NFKB1: variants seen among roughly 807,000 people sequenced by gnomAD.
The protein encoded by NFKB1 is nuclear factor NF-kappa-B p105 subunit.
Under a neutral mutation model 105.1 loss-of-function variants are expected in NFKB1, and 9 were observed. That is an observed-to-expected ratio of 0.09 (90% CI 0.05 to 0.15). The LOEUF (loss-of-function observed/expected upper bound fraction) is 0.15. NFKB1 is among the 10% of genes least tolerant of loss of function. The probability of loss-of-function intolerance (pLI) is 1.00; values close to 1 mark genes in which losing one functional copy is unlikely to be tolerated. For missense variants in NFKB1, 830 were observed against 1,203.7 expected, an observed-to-expected ratio of 0.69 and a Z score of 4.59; for synonymous variants, 440 against 442.2, an observed-to-expected ratio of 1.00 and a Z score of 0.06.
chr4:102,617,106 A>AAC lies in NFKB1; in HGVS notation c.*513_*514insCA, dbSNP rs1408285484. The AAC allele has an allele frequency of 6.6e-6, 1 of 152,276 alleles. No homozygotes were observed. Among genetic ancestry groups the AAC allele is most frequent in the African/African-American group, 2.4e-5 (1 of 41,350 alleles). The allele number at this position is 152,276 out of a possible 1,614,324, so 9.4% of individuals were successfully genotyped here. A position where few individuals can be genotyped will look rare whatever the true frequency, so the allele number is the denominator to read the frequency against. ...GTTATTTCTCTGATTTGCAAAAAAA[A>AAC]AAAAAAAAAAAATACTTGTCAATAT... On this transcript the variant is annotated 3_prime_UTR_variant, in exon 24 of 24. Coordinates refer to ENST00000226574, the MANE Select transcript of NFKB1 (RefSeq NM_003998.4).
At chr4:102,558,747 C>T (rs1723178045) in intron 5 of NFKB1, among the ~76,000 whole-genome samples, 1 of 152,050 alleles carries the variant, frequency 6.6e-6, no homozygotes, top group Non-Finnish European at 1.5e-5. Flanking sequence ...AACTTCTGGG[C>T]TCAAAGGACA....
chr4:102,586,799 C>T (rs1258097378), intron 11 of NFKB1, among the ~76,000 whole-genome samples: 1 of 152,212 alleles, frequency 6.6e-6, no homozygotes, highest in African/African-American at 2.4e-5. Flanking sequence ...CACCCAGATC[C>T]TTGCTGAGGT....
intron 16 of NFKB1, among the ~76,000 whole-genome samples, chr4:102,603,982 G>A (rs1727449063): frequency 6.6e-6 from 1 of 152,034 alleles, no homozygotes; most frequent in Non-Finnish European, 1.5e-5. Context: ...TTTTATTTGT[G>A]TATGTTCCCA....
At chr4:102,549,035 C>T (rs1049909418) in intron 5 of NFKB1, among the ~76,000 whole-genome samples, 1 of 152,066 alleles carries the variant, frequency 6.6e-6, no homozygotes, top group Non-Finnish European at 1.5e-5. Context: ...AGTAGCCCTA[C>T]GAGTATAGGA....
chr4:102,539,760 C>G (rs1438106769), intron 5 of NFKB1, among the ~76,000 whole-genome samples: 17 of 152,142 alleles, frequency 1.1e-4, no homozygotes, highest in Non-Finnish European at 1.2e-4. Context: ...TAATAACTGG[C>G]CTTTCTCACA....
chr4:102,501,919 TG>T (rs1739057853), intron 1 of NFKB1, 131 bp downstream of exon 1: 1 of 152,168 alleles, frequency 6.6e-6, no homozygotes, highest in Non-Finnish European at 1.5e-5. Flanking sequence ...GGCTAGACCG[TG>T]GGAGGAGGTT....
chr4:102,554,409 T>G (rs1366682567), intron 5 of NFKB1, among the ~76,000 whole-genome samples: 1 of 152,176 alleles, frequency 6.6e-6, no homozygotes. Context: ...CATTCTTCCA[T>G]TATACCGAAA....
At chr4:102,547,441 T>A (rs369938845) in intron 5 of NFKB1, among the ~76,000 whole-genome samples, 8 of 152,266 alleles carry the variant, frequency 5.3e-5, no homozygotes, top group African/African-American at 1.9e-4. Context: ...TGGACCACAC[T>A]TTTAGGTTTT....
intron 12 of NFKB1, 131 bp downstream of exon 12, chr4:102,593,699 T>C (rs1726367878): frequency 1.2e-6 from 1 of 821,792 alleles, no homozygotes; most frequent in Non-Finnish European, 1.7e-6. Context: ...TAAAATTTCC[T>C]GACAAATGTA....
intron 1 of NFKB1, among the ~76,000 whole-genome samples, chr4:102,507,367 C>G (rs1739488187): frequency 6.6e-6 from 1 of 152,132 alleles, no homozygotes; most frequent in Admixed American, 6.5e-5. Flanking sequence ...CCTTACGCTA[C>G]TAGTAGAAAT....
intron 5 of NFKB1, among the ~76,000 whole-genome samples, chr4:102,543,619 A>G (rs1721893090): frequency 1.3e-5 from 2 of 151,768 alleles, no homozygotes; most frequent in South Asian, 4.2e-4. Context: ...AAAAAAAAAA[A>G]AGGCTCCACT....
chr4:102,589,354 C>T (rs1020759), intron 11 of NFKB1, among the ~76,000 whole-genome samples: 63,077 of 151,928 alleles, frequency 0.42, 13,274 homozygotes, highest in Admixed American at 0.48. Context: ...AAGATAGAAC[C>T]GATGGGGAAA....
intron 1 of NFKB1, among the ~76,000 whole-genome samples, chr4:102,504,367 T>C (rs1739291334): frequency 6.6e-6 from 1 of 152,206 alleles, no homozygotes; most frequent in East Asian, 1.9e-4. Context: ...GAAATCACAT[T>C]AACAGGAATG....
At chr4:102,521,272 T>C (rs1391731645) in intron 1 of NFKB1, among the ~76,000 whole-genome samples, 2 of 152,210 alleles carry the variant, frequency 1.3e-5, no homozygotes, top group Non-Finnish European at 2.9e-5. Flanking sequence ...AAGTATTTTG[T>C]TTCCTCCAGA....
At chr4:102,566,271 C>T (rs1723859282) in intron 5 of NFKB1, among the ~76,000 whole-genome samples, 1 of 152,010 alleles carries the variant, frequency 6.6e-6, no homozygotes. Context: ...AAATAGAAAA[C>T]TCTAATTTTA....
At chr4:102,572,611 G>C (rs917728278) in intron 6 of NFKB1, among the ~76,000 whole-genome samples, 6 of 152,182 alleles carry the variant, frequency 3.9e-5, no homozygotes, top group Admixed American at 2.0e-4. Flanking sequence ...AGCCGTGCCA[G>C]CATCTGTTAT....
chr4:102,548,460 G>A (rs1230986822), intron 5 of NFKB1, among the ~76,000 whole-genome samples: 2 of 152,112 alleles, frequency 1.3e-5, no homozygotes, highest in African/African-American at 4.8e-5. Flanking sequence ...TGGAAACTGC[G>A]TCGACGGTCA....
intron 6 of NFKB1, among the ~76,000 whole-genome samples, chr4:102,575,824 G>A (rs767638125): frequency 6.6e-6 from 1 of 151,908 alleles, no homozygotes; most frequent in South Asian, 2.1e-4. Context: ...AAATTGTATC[G>A]TATAATTTAC....
chr4:102,556,353 T>C (rs888367161), intron 5 of NFKB1, among the ~76,000 whole-genome samples: 2 of 152,110 alleles, frequency 1.3e-5, no homozygotes, highest in African/African-American at 2.4e-5. Flanking sequence ...AGTAGACAAT[T>C]CAATCCAGGA....
Sources: gnomAD v4.1 joint callset for allele counts (sites outside exome capture counted in the v4.1 genomes callset) on GRCh38, gnomAD v4.1.1 for gene constraint, MANE v1.5 for transcripts, NCBI Gene and HGNC (gene_info 2026-07-23, HGNC 2026-07-21) for gene names.